The following NRXN1 variants were observed in gnomAD, a reference collection of about 807,000 sequenced individuals.
The protein encoded by NRXN1 is neurexin 1, also known as neurexin-1.
Under a neutral mutation model 150.9 loss-of-function variants are expected in NRXN1, and 39 were observed. That is an observed-to-expected ratio of 0.26 (90% CI 0.20 to 0.34). The LOEUF is 0.34. Among genes scored for constraint, NRXN1 ranks in the 10% least tolerant of loss-of-function variants. The pLI, the probability that NRXN1 is intolerant of heterozygous loss-of-function variation, is 1.00. For synonymous variants in NRXN1, 924 were observed against 757.0 expected, an observed-to-expected ratio of 1.22 and a Z score of -3.62; for missense variants, 1,815 against 1,949.9, an observed-to-expected ratio of 0.93 and a Z score of 1.30.
Position 50,047,755 on chromosome 2 carries a change from C to T in NRXN1, c.4128+5516G>A, listed in dbSNP as rs566822390. On this transcript the variant is annotated intron_variant, in intron 21 of 22. Transcript: ENST00000401669. ...GCAGCCTTTGACATCCCACACTATT[C>T]GTTTTCTTGTCTATTGCCCATCTTC... 3.3e-5 allele frequency among the ~76,000 whole-genome samples: 5 copies of T among 151,486 alleles called. No individual in the cohort carries two copies. The South Asian group carries it at 1.0e-3, about 31-fold the overall frequency.
chr2:50,081,739 A>G (rs1697997357), intron 19 of NRXN1, among the ~76,000 whole-genome samples: 1 of 152,146 alleles, frequency 6.6e-6, no homozygotes, highest in Non-Finnish European at 1.5e-5. Context: ...ACACCAAAAT[A>G]CTAGCTATTA....
chr2:50,887,576 T>G (rs1160411622), intron 5 of NRXN1, among the ~76,000 whole-genome samples: 1 of 151,504 alleles, frequency 6.6e-6, no homozygotes, highest in Non-Finnish European at 1.5e-5. Flanking sequence ...CATCTGTGAG[T>G]TTATCTAGTC....
chr2:50,891,340 G>T (rs1411755946), intron 5 of NRXN1, among the ~76,000 whole-genome samples: 1 of 152,052 alleles, frequency 6.6e-6, no homozygotes, highest in Non-Finnish European at 1.5e-5. Flanking sequence ...ATGCTTCATA[G>T]TTACCAGACT....
intron 5 of NRXN1, among the ~76,000 whole-genome samples, chr2:50,683,488 C>T (rs564646396): frequency 1.3e-4 from 20 of 148,620 alleles, no homozygotes; most frequent in African/African-American, 2.7e-4. Flanking sequence ...AAAAATTAGC[C>T]GGGCACAGTG....
At chr2:50,393,477 GTTAAT>G (rs2081870151) in intron 17 of NRXN1, among the ~76,000 whole-genome samples, 1 of 152,022 alleles carries the variant, frequency 6.6e-6, no homozygotes, top group Non-Finnish European at 1.5e-5. Flanking sequence ...ACAGGAAACT[GTTAAT>G]TTAAGAAGTA....
intron 5 of NRXN1, among the ~76,000 whole-genome samples, chr2:50,715,614 A>G (rs193252423): frequency 8.3e-4 from 127 of 152,272 alleles, no homozygotes; most frequent in African/African-American, 3.0e-3. Context: ...TACTTCTCAC[A>G]ATGAATTTCC....
At chr2:50,974,374 T>G (rs1379717112) in intron 2 of NRXN1, among the ~76,000 whole-genome samples, 1 of 152,160 alleles carries the variant, frequency 6.6e-6, no homozygotes, top group African/African-American at 2.4e-5. Context: ...ACCTGGGGAT[T>G]GTGCCTTTTC....
intron 10 of NRXN1, among the ~76,000 whole-genome samples, chr2:50,537,819 G>T (rs1480449481): frequency 1.3e-5 from 2 of 152,186 alleles, no homozygotes; most frequent in Non-Finnish European, 2.9e-5. Context: ...TCACCCAGTT[G>T]TGTCAGGGAA....
intron 5 of NRXN1, among the ~76,000 whole-genome samples, chr2:50,881,798 C>T (rs1253717498): frequency 6.6e-6 from 1 of 151,672 alleles, no homozygotes; most frequent in African/African-American, 2.4e-5. Flanking sequence ...AGGGTAATGC[C>T]TTTTAATATA....
chr2:50,417,620 A>G (rs186372913), intron 17 of NRXN1, among the ~76,000 whole-genome samples: 8 of 152,044 alleles, frequency 5.3e-5, no homozygotes. Flanking sequence ...CTTTACAAAT[A>G]ACCTAGCTAT....
chr2:50,692,404 A>G (rs1237422644), intron 5 of NRXN1, among the ~76,000 whole-genome samples: 2 of 151,990 alleles, frequency 1.3e-5, no homozygotes, highest in Non-Finnish European at 1.5e-5. Context: ...TTGTTTTTAG[A>G]TTGTTCTGGA....
chr2:50,854,545 T>C (rs998833523), intron 5 of NRXN1, among the ~76,000 whole-genome samples: 17 of 152,104 alleles, frequency 1.1e-4, no homozygotes, highest in African/African-American at 4.1e-4. Context: ...TCACACTTTG[T>C]TTGAAAGAAC....
At chr2:50,084,524 G>C (rs367784736) in intron 19 of NRXN1, among the ~76,000 whole-genome samples, 1 of 152,158 alleles carries the variant, frequency 6.6e-6, no homozygotes, top group African/African-American at 2.4e-5. Context: ...CCAAGCCCAC[G>C]CTCACCAGGA....
intron 19 of NRXN1, among the ~76,000 whole-genome samples, chr2:50,066,466 G>A (rs184057091): frequency 2.1e-3 from 320 of 152,218 alleles, no homozygotes; most frequent in African/African-American, 6.9e-3. Flanking sequence ...GAACACAAAC[G>A]ATTGCACCTA....
chr2:51,031,314 C>T lies in NRXN1; in HGVS notation c.-922+667G>A, dbSNP rs1284855499. On this transcript the variant is annotated intron_variant, in intron 1 of 22. Transcript: ENST00000401669. ...GCATCATTAATCTTTTCTTTCATTTCTAGAATCAAATTCATCCCAAGTCAC... is the reference window on the plus strand; with the variant it reads ...GCATCATTAATCTTTTCTTTCATTTTTAGAATCAAATTCATCCCAAGTCAC... Among the ~76,000 whole-genome samples the T allele has an allele frequency of 2.0e-5, 3 of 152,088 alleles. No homozygotes were observed. The South Asian group carries it at 6.2e-4, about 32-fold the overall frequency.
At chr2:50,513,691 A>G (rs1191555067) in intron 12 of NRXN1, among the ~76,000 whole-genome samples, 1 of 152,106 alleles carries the variant, frequency 6.6e-6, no homozygotes, top group Admixed American at 6.6e-5. Flanking sequence ...GTGAAGAGAA[A>G]TAGAGAAGAA....
chr2:50,029,322 A>G (rs1257094771), intron 21 of NRXN1, among the ~76,000 whole-genome samples: 1 of 152,194 alleles, frequency 6.6e-6, no homozygotes, highest in African/African-American at 2.4e-5. Flanking sequence ...CCATTTTGTT[A>G]TAGCAGCCCT....
chr2:51,028,549 T>G lies in NRXN1; in HGVS notation c.-276A>C. On this transcript the variant is annotated 5_prime_UTR_variant, in exon 2 of 23. Coordinates refer to ENST00000401669, the MANE Select transcript of NRXN1 (RefSeq NM_001330078.2). The stretch of plus-strand genomic sequence containing the variant: ...TCCAGACCAAAGGGAGGATGCACTT[T>G]GGAGACAACGTTCTGGAAAAGGCTT... 1 of 374,874 alleles carries G rather than the reference T, an allele frequency of 2.7e-6. No individual in the cohort carries two copies. Among genetic ancestry groups the G allele is most frequent in the Non-Finnish European group, 4.7e-6 (1 of 210,682 alleles). The allele number at this position is 374,874 out of a possible 1,614,324, so 23.2% of individuals were successfully genotyped here. A position where few individuals can be genotyped will look rare whatever the true frequency, so the allele number is the denominator to read the frequency against.
At chr2:50,204,341 C>CGT (rs70946895) in intron 18 of NRXN1, among the ~76,000 whole-genome samples, 4,882 of 111,408 alleles carry the variant, frequency 0.044, 169 homozygotes, top group African/African-American at 0.12. Flanking sequence ...TAAGAAATAC[C>CGT]GTGTGTGTGT....
Sources: allele counts gnomAD v4.1 joint callset (sites outside exome capture counted in the v4.1 genomes callset), GRCh38; gene constraint gnomAD v4.1.1; transcripts MANE v1.5; gene names NCBI Gene and HGNC (gene_info 2026-07-23, HGNC 2026-07-21).